PHF20: variants seen among roughly 807,000 people sequenced by gnomAD.
The protein encoded by PHF20 is PHD finger protein 20.
A neutral mutation model predicts 113.5 loss-of-function variants in PHF20; 23 were observed. The ratio of observed to expected loss-of-function variants is 0.20; its 90% CI spans 0.15 to 0.29. The LOEUF (loss-of-function observed/expected upper bound fraction) is 0.29. Among genes scored for constraint, PHF20 ranks in the 10% least tolerant of loss-of-function variants. The pLI is 1.00. For missense variants in PHF20, 943 were observed against 1,219.6 expected (o/e 0.77, Z 3.38); for synonymous variants, 434 against 457.3 (o/e 0.95, Z 0.65).
intron 1 of PHF20, among the ~76,000 whole-genome samples, chr20:35,783,247 C>A (rs2041338238): frequency 6.6e-6 from 1 of 152,030 alleles, no homozygotes; most frequent in African/African-American, 2.4e-5. Flanking sequence ...ATAGAGTTTT[C>A]CTGGCTTGAA....
intron 4 of PHF20, chr20:35,853,349 T>C (rs1166330453): frequency 2.0e-5 from 3 of 152,144 alleles, no homozygotes; most frequent in African/African-American, 4.8e-5. Context: ...GATAACTCAC[T>C]ACTTTCAGAC....
At chr20:35,917,003 A>G (rs2055415573) in intron 12 of PHF20, among the ~76,000 whole-genome samples, 2 of 152,114 alleles carry the variant, frequency 1.3e-5, no homozygotes, top group South Asian at 4.2e-4. Context: ...AGTGCAAGCA[A>G]TCCTCCTCCT....
At chr20:35,791,257 T>A (rs1389825790) in intron 1 of PHF20, among the ~76,000 whole-genome samples, 1 of 151,828 alleles carries the variant, frequency 6.6e-6, no homozygotes, top group Non-Finnish European at 1.5e-5. Context: ...TTAACTGGAG[T>A]CAGCCTTACC....
At chr20:35,919,037 C>T (rs940327914) in intron 13 of PHF20, among the ~76,000 whole-genome samples, 7 of 151,726 alleles carry the variant, frequency 4.6e-5, no homozygotes, top group Non-Finnish European at 4.4e-5. Flanking sequence ...CTTTTTGAGA[C>T]GGAGTTTTGC....
intron 3 of PHF20, among the ~76,000 whole-genome samples, chr20:35,844,380 G>A (rs537280458): frequency 2.7e-5 from 4 of 150,398 alleles, no homozygotes; most frequent in South Asian, 2.1e-4. Flanking sequence ...GGCATTACAG[G>A]TGTGAGCCAC....
At chr20:35,874,511 TCTCA>T (rs1350622691) in intron 9 of PHF20, among the ~76,000 whole-genome samples, 1 of 151,870 alleles carries the variant, frequency 6.6e-6, no homozygotes, top group Non-Finnish European at 1.5e-5. Context: ...AAAGATAGAG[TCTCA>T]CTCTGTTTCC....
chr20:35,927,694 T>C (rs1044331870), intron 13 of PHF20, 86 bp from the exon 14 acceptor site: 2 of 988,222 alleles, frequency 2.0e-6, no homozygotes, highest in Non-Finnish European at 1.6e-6. Flanking sequence ...TATCCTCCCA[T>C]GCCCCTCCCC....
chr20:35,940,051 G>A (rs1037454987), intron 16 of PHF20, among the ~76,000 whole-genome samples: 3 of 152,130 alleles, frequency 2.0e-5, no homozygotes, highest in Admixed American at 6.5e-5. Flanking sequence ...CTGTTTTCTC[G>A]CCTGTAGAAT....
At chr20:35,927,918 C>A in intron 14 of PHF20, 39 bp downstream of exon 14, 1 of 1,402,010 alleles carries the variant, frequency 7.1e-7, no homozygotes, top group Non-Finnish European at 1.0e-6. Flanking sequence ...CAGTATGTAG[C>A]CTTTTCCTTG....
chr20:35,839,886 G>C (rs1256661603), intron 2 of PHF20, among the ~76,000 whole-genome samples: 1 of 152,164 alleles, frequency 6.6e-6, no homozygotes, highest in Non-Finnish European at 1.5e-5. Context: ...AAAACTGACA[G>C]AATACATGAC....
At chr20:35,911,679 GAC>G (rs2055306514) in intron 10 of PHF20, among the ~76,000 whole-genome samples, 1 of 152,110 alleles carries the variant, frequency 6.6e-6, no homozygotes, top group South Asian at 2.1e-4. Flanking sequence ...TTGTTTTGGA[GAC>G]AGATTCCCAC....
At chr20:35,894,356 C>T (rs2147045907) in intron 9 of PHF20, among the ~76,000 whole-genome samples, 1 of 152,312 alleles carries the variant, frequency 6.6e-6, no homozygotes, top group African/African-American at 2.4e-5. Context: ...ATACATTATC[C>T]ATAACCTTTT....
At chr20:35,802,946 A>G (rs898932134) in intron 2 of PHF20, among the ~76,000 whole-genome samples, 4 of 143,742 alleles carry the variant, frequency 2.8e-5, no homozygotes, top group African/African-American at 1.0e-4. Flanking sequence ...CTGAAAAAAA[A>G]AAAAAAAAAA....
chr20:35,920,000 A>G (rs1304777280), intron 13 of PHF20, among the ~76,000 whole-genome samples: 1 of 152,204 alleles, frequency 6.6e-6, no homozygotes, highest in Non-Finnish European at 1.5e-5. Context: ...TGATATACAC[A>G]TACTCATTTG....
chr20:35,841,953 A>G (rs1000256548), intron 2 of PHF20, among the ~76,000 whole-genome samples: 5 of 152,136 alleles, frequency 3.3e-5, no homozygotes, highest in African/African-American at 1.2e-4. Context: ...TGTGTGCTCA[A>G]GTCTTCTGTG....
rs766822674 is a variant in PHF20 at position 35,842,753 on chromosome 20, CA to C, written c.255+12del. On this transcript the variant is annotated intron_variant, in intron 3 of 17. Transcript: ENST00000374012. ...AAGAGGATGGATCTTCTGTGAGTAACAAATCTGGGAAGTTCTGTAGTATGCA... is the reference window on the plus strand; with the variant it reads ...AAGAGGATGGATCTTCTGTGAGTAACAATCTGGGAAGTTCTGTAGTATGCA... The C allele has an allele frequency of 8.7e-6, 14 of 1,611,442 alleles. No individual in the cohort carries two copies. The African/African-American group carries it at 1.9e-4, about 22-fold the overall frequency.
intron 10 of PHF20, 25 bp from the exon 11 acceptor site, chr20:35,913,224 T>A: frequency 6.6e-7 from 1 of 1,520,968 alleles, no homozygotes; most frequent in South Asian, 1.1e-5. Context: ...AATGTTAAAA[T>A]GCCAACATTT....
intron 2 of PHF20, among the ~76,000 whole-genome samples, chr20:35,833,106 A>G (rs551400506): frequency 5.8e-4 from 88 of 151,494 alleles, no homozygotes; most frequent in Non-Finnish European, 1.2e-3. Context: ...ACCCTAATAT[A>G]CTTCCTGGCC....
intron 2 of PHF20, among the ~76,000 whole-genome samples, chr20:35,813,623 G>C (rs896869889): frequency 6.6e-6 from 1 of 152,146 alleles, no homozygotes; most frequent in Non-Finnish European, 1.5e-5. Flanking sequence ...ACTTTGGGAG[G>C]CCTAGGCAGG....
Sources: gnomAD v4.1 joint callset for allele counts (sites outside exome capture counted in the v4.1 genomes callset) on GRCh38, gnomAD v4.1.1 for gene constraint, MANE v1.5 for transcripts, NCBI Gene and HGNC (gene_info 2026-07-23, HGNC 2026-07-21) for gene names.